Variants in GAB2 observed in about 807,000 individuals in gnomAD.
GAB2 encodes GRB2 associated binding protein 2.
A neutral mutation model predicts 65.5 loss-of-function variants in GAB2; 26 were observed. That is an observed-to-expected ratio of 0.40 (90% CI 0.29 to 0.55). The LOEUF is 0.55. Among genes scored for constraint, GAB2 ranks in the 20% least tolerant of loss-of-function variants. The probability of loss-of-function intolerance (pLI) is 0.53; values close to 1 mark genes in which losing one functional copy is unlikely to be tolerated. For missense variants in GAB2, 884 were observed against 875.8 expected (o/e 1.01, Z -0.12); for synonymous variants, 321 against 329.6 (o/e 0.97, Z 0.28).
At chr11:78,413,540 T>C (rs1036553286) in intron 1 of GAB2, among the ~76,000 whole-genome samples, 6 of 152,130 alleles carry the variant, frequency 3.9e-5, no homozygotes, top group African/African-American at 1.4e-4. Flanking sequence ...AGAATAGCTT[T>C]GGTGAATAAC....
At chr11:78,338,687 T>G (rs891281065) in intron 1 of GAB2, among the ~76,000 whole-genome samples, 1 of 152,140 alleles carries the variant, frequency 6.6e-6, no homozygotes. Context: ...ATACACACAG[T>G]GTCAAAAAAA....
chr11:78,227,868 A>G (rs529199200), intron 3 of GAB2, among the ~76,000 whole-genome samples: 1 of 152,282 alleles, frequency 6.6e-6, no homozygotes, highest in African/African-American at 2.4e-5. Flanking sequence ...TTTATTTTCT[A>G]CCATGATTTA....
chr11:78,313,644 C>T (rs574199137), intron 1 of GAB2, among the ~76,000 whole-genome samples: 14 of 152,334 alleles, frequency 9.2e-5, no homozygotes, highest in South Asian at 6.2e-4. Context: ...AATAAACTGT[C>T]TATGGGGCAT....
At chr11:78,227,075 G>A (rs1864691069) in intron 3 of GAB2, 24 bp from the exon 4 acceptor site, 1 of 1,485,188 alleles carries the variant, frequency 6.7e-7, no homozygotes, top group South Asian at 1.1e-5. Flanking sequence ...AAGGGAAAGG[G>A]CAGGAGGGTG....
chr11:78,324,826 G>C (rs984565303), intron 1 of GAB2: 1 of 152,166 alleles, frequency 6.6e-6, no homozygotes, highest in Admixed American at 6.5e-5. Flanking sequence ...AACTCCCAAA[G>C]GAAGATGGTC....
chr11:78,379,631 C>G (rs746101281), intron 1 of GAB2, among the ~76,000 whole-genome samples: 4 of 152,192 alleles, frequency 2.6e-5, no homozygotes, highest in Non-Finnish European at 5.9e-5. Flanking sequence ...ATTTTAACAT[C>G]AAAATCAGAA....
At chr11:78,222,583 C>A (rs1864484888) in intron 6 of GAB2, among the ~76,000 whole-genome samples, 2 of 149,580 alleles carry the variant, frequency 1.3e-5, no homozygotes, top group South Asian at 4.2e-4. Flanking sequence ...TATATTAACA[C>A]ACATATATGT....
At chr11:78,251,312 A>G (rs1865449351) in intron 2 of GAB2, among the ~76,000 whole-genome samples, 1 of 152,104 alleles carries the variant, frequency 6.6e-6, no homozygotes, top group South Asian at 2.1e-4. Flanking sequence ...CTGGCCTCCT[A>G]AGACCTCCAA....
At chr11:78,286,746 C>A (rs1037193410) in intron 1 of GAB2, among the ~76,000 whole-genome samples, 2 of 152,082 alleles carry the variant, frequency 1.3e-5, no homozygotes, top group Non-Finnish European at 2.9e-5. Flanking sequence ...TTATTTGGCA[C>A]CTTGTTCCCT....
In GAB2 at chr11:78,244,392, A is replaced by G. The variant is rs72948547; in HGVS notation, c.620+5765T>C. Among the ~76,000 whole-genome samples, 13 of 109,670 alleles carry G rather than the reference A, an allele frequency of 1.2e-4. No individual in the cohort carries two copies. In the East Asian group the frequency reaches 4.8e-3, roughly 41 times the overall value. The allele number at this position is 109,670 out of a possible 152,430, so 71.9% of individuals were successfully genotyped here. ...GTACGACAGAGGGAGATTCTGTCTC[A>G]AAAGAAAGAAAAAAAAAAGACAAAT... On this transcript the variant is annotated intron_variant, in intron 3 of 9. Coordinates refer to ENST00000361507, the MANE Select transcript of GAB2 (RefSeq NM_080491.3).
At chr11:78,321,823 C>A (rs538203175) in intron 1 of GAB2, among the ~76,000 whole-genome samples, 6 of 151,360 alleles carry the variant, frequency 4.0e-5, no homozygotes, top group African/African-American at 1.5e-4. Context: ...GAATAGAGAA[C>A]CCAGAAATAG....
intron 1 of GAB2, among the ~76,000 whole-genome samples, chr11:78,295,967 G>C (rs914417302): frequency 7.2e-5 from 11 of 152,180 alleles, no homozygotes; most frequent in Admixed American, 7.2e-4. Context: ...GGCTGGTTTT[G>C]TGGAAGATAA....
At chr11:78,269,825 C>T (rs544468949) in intron 2 of GAB2, among the ~76,000 whole-genome samples, 5 of 152,270 alleles carry the variant, frequency 3.3e-5, no homozygotes, top group Admixed American at 3.3e-4. Context: ...ATTCTTTATT[C>T]CATAAGATTA....
intron 1 of GAB2, among the ~76,000 whole-genome samples, chr11:78,339,566 T>C (rs1856059185): frequency 6.6e-6 from 1 of 152,248 alleles, no homozygotes; most frequent in South Asian, 2.1e-4. Context: ...ATGGTGGCAG[T>C]GATCAACTGT....
At chr11:78,416,779 TAAAAA>T (rs5792806) in intron 1 of GAB2, among the ~76,000 whole-genome samples, 6 of 116,224 alleles carry the variant, frequency 5.2e-5, no homozygotes, top group East Asian at 2.4e-4. Flanking sequence ...GGAGAGGGGT[TAAAAA>T]AAAAAAAAAA....
intron 2 of GAB2, among the ~76,000 whole-genome samples, chr11:78,253,632 C>G (rs2512531): frequency 5.9e-5 from 9 of 152,080 alleles, no homozygotes; most frequent in Admixed American, 2.0e-4. Flanking sequence ...TTTCTTCAAC[C>G]TTGTTTCTTA....
chr11:78,264,327 A>G (rs950098456), intron 2 of GAB2, among the ~76,000 whole-genome samples: 1 of 151,590 alleles, frequency 6.6e-6, no homozygotes, highest in African/African-American at 2.4e-5. Flanking sequence ...GAGATCTAGG[A>G]TGGCTTTTGT....
intron 1 of GAB2, among the ~76,000 whole-genome samples, chr11:78,400,110 A>G (rs576435711): frequency 2.0e-5 from 3 of 152,278 alleles, no homozygotes; most frequent in African/African-American, 7.2e-5. Flanking sequence ...TATTCCCCCC[A>G]GCTCTGAACT....
chr11:78,256,361 C>G (rs1320328705), intron 2 of GAB2, among the ~76,000 whole-genome samples: 1 of 152,246 alleles, frequency 6.6e-6, no homozygotes, highest in East Asian at 1.9e-4. Context: ...GTATGCTGGA[C>G]AGGCTTCCCA....
Sources: allele counts gnomAD v4.1 joint callset (sites outside exome capture counted in the v4.1 genomes callset), GRCh38; gene constraint gnomAD v4.1.1; transcripts MANE v1.5; gene names NCBI Gene and HGNC (gene_info 2026-07-23, HGNC 2026-07-21).